Variants in SGCZ observed in about 807,000 individuals in gnomAD.
The protein encoded by SGCZ is zeta-sarcoglycan.
SGCZ carries 40 observed loss-of-function variants against 41.3 expected under a neutral mutation model. The observed-to-expected ratio is 0.97, with a 90% CI of 0.75 to 1.26. The LOEUF (loss-of-function observed/expected upper bound fraction) is 1.26. SGCZ is among the 50% of genes most tolerant of loss of function. The probability of loss-of-function intolerance (pLI) is 0.00; values close to 1 mark genes in which losing one functional copy is unlikely to be tolerated. For missense variants in SGCZ, 552 were observed against 369.8 expected (o/e 1.49, Z -4.04); for synonymous variants, 206 against 137.5 (o/e 1.50, Z -3.49).
chr8:15,081,370 A>G (rs566730488), intron 1 of SGCZ, among the ~76,000 whole-genome samples: 3 of 152,274 alleles, frequency 2.0e-5, no homozygotes, highest in Non-Finnish European at 4.4e-5. Context: ...AATTTTTTAA[A>G]TGTTTTAACG....
intron 1 of SGCZ, among the ~76,000 whole-genome samples, chr8:14,793,711 T>A (rs972212556): frequency 6.6e-6 from 1 of 152,002 alleles, no homozygotes; most frequent in East Asian, 1.9e-4. Flanking sequence ...GAGAAGCAGT[T>A]AGAATATGAG....
At chr8:14,318,813 G>C (rs912960940) in intron 3 of SGCZ, among the ~76,000 whole-genome samples, 11 of 151,898 alleles carry the variant, frequency 7.2e-5, no homozygotes, top group Admixed American at 4.6e-4. Flanking sequence ...AACTAAGTAA[G>C]TGCTTCAATC....
chr8:14,120,215 G>T (rs538335501), intron 5 of SGCZ, among the ~76,000 whole-genome samples: 1 of 152,072 alleles, frequency 6.6e-6, no homozygotes, highest in Non-Finnish European at 1.5e-5. Context: ...TGGTTTAATG[G>T]CAGACAATTA....
At chr8:15,089,446 A>G (rs1038320569) in intron 1 of SGCZ, among the ~76,000 whole-genome samples, 10 of 152,230 alleles carry the variant, frequency 6.6e-5, no homozygotes, top group Non-Finnish European at 1.2e-4. Flanking sequence ...GCTGTACAGT[A>G]GCTCTCCTAT....
intron 1 of SGCZ, among the ~76,000 whole-genome samples, chr8:15,186,128 G>A (rs548835423): frequency 1.1e-4 from 17 of 150,212 alleles, no homozygotes; most frequent in Admixed American, 2.0e-4. Context: ...CGGGCATGGC[G>A]GAGGGCGCCT....
At chr8:14,254,153 G>T (rs553859906) in intron 3 of SGCZ, among the ~76,000 whole-genome samples, 45 of 152,156 alleles carry the variant, frequency 3.0e-4, no homozygotes, top group African/African-American at 1.0e-3. Context: ...CACTTATCTC[G>T]TTGCTTATAA....
intron 5 of SGCZ, among the ~76,000 whole-genome samples, chr8:14,146,010 G>C (rs1317937498): frequency 6.6e-6 from 1 of 152,126 alleles, no homozygotes; most frequent in African/African-American, 2.4e-5. Context: ...AAAAAGGTAT[G>C]GGTAGAACAT....
At position 15,046,362 on chromosome 8, in the gene SGCZ, C is replaced by G. The variant is rs147939435; in HGVS notation, c.39+191223G>C. 8.9e-4 allele frequency among the ~76,000 whole-genome samples: 135 copies of G among 152,086 alleles called. 1 individual carries two copies. The highest frequency in any genetic ancestry group is 3.2e-3 in the African/African-American group (131 of 41,520). ...TAATGACCATTCAAGTTAATTCCCC[C>G]AAATCATTTTTCATTTATTTATTTA... On this transcript the variant is annotated intron_variant, in intron 1 of 7. Coordinates refer to ENST00000382080, the MANE Select transcript of SGCZ (RefSeq NM_139167.4).
intron 2 of SGCZ, among the ~76,000 whole-genome samples, chr8:14,346,959 C>T (rs773958088): frequency 6.6e-5 from 10 of 151,828 alleles, no homozygotes; most frequent in Non-Finnish European, 1.5e-4. Context: ...GTAAATAAGT[C>T]TTCCATTACA....
At chr8:14,090,800 G>A (rs1801667128) in intron 7 of SGCZ, among the ~76,000 whole-genome samples, 163 bp from the exon 8 acceptor site, 1 of 152,024 alleles carries the variant, frequency 6.6e-6, no homozygotes, top group African/African-American at 2.4e-5. Flanking sequence ...TCCTACAGTA[G>A]AGTCCAAAAT....
At chr8:14,767,618 T>A (rs1476538634) in intron 1 of SGCZ, among the ~76,000 whole-genome samples, 6 of 152,196 alleles carry the variant, frequency 3.9e-5, no homozygotes, top group African/African-American at 1.4e-4. Context: ...TGGTGAACCA[T>A]TCTCTTTATT....
intron 5 of SGCZ, among the ~76,000 whole-genome samples, chr8:14,155,443 A>C (rs1336315202): frequency 6.6e-6 from 1 of 152,008 alleles, no homozygotes; most frequent in Non-Finnish European, 1.5e-5. Context: ...ATTAAAATTA[A>C]TGTTTTAAAA....
chr8:14,620,212 G>C (rs978292457), intron 1 of SGCZ, among the ~76,000 whole-genome samples: 3 of 152,092 alleles, frequency 2.0e-5, no homozygotes, highest in Admixed American at 2.0e-4. Flanking sequence ...TTAATAAATG[G>C]TGCTGGGAAA....
At chr8:14,982,336 T>A (rs7018087) in intron 1 of SGCZ, among the ~76,000 whole-genome samples, 4 of 152,056 alleles carry the variant, frequency 2.6e-5, no homozygotes, top group Non-Finnish European at 4.4e-5. Context: ...CAGATTTCAA[T>A]ACTTGCTTTA....
At chr8:14,896,193 A>G (rs561793632) in intron 1 of SGCZ, among the ~76,000 whole-genome samples, 2 of 152,310 alleles carry the variant, frequency 1.3e-5, no homozygotes, top group East Asian at 3.9e-4. Context: ...TTTTGGTCAC[A>G]TTGTTAATTC....
intron 1 of SGCZ, among the ~76,000 whole-genome samples, chr8:15,032,352 A>C (rs1803704662): frequency 6.6e-6 from 1 of 152,198 alleles, no homozygotes; most frequent in Admixed American, 6.5e-5. Context: ...TACATGACGC[A>C]CATCAGCACT....
intron 1 of SGCZ, among the ~76,000 whole-genome samples, chr8:14,572,537 T>C (rs1318572940): frequency 6.6e-6 from 1 of 152,088 alleles, no homozygotes; most frequent in Non-Finnish European, 1.5e-5. Context: ...TTTTATAAAG[T>C]AAGGAAAATA....
intron 1 of SGCZ, among the ~76,000 whole-genome samples, chr8:14,922,834 C>G (rs1270264575): frequency 6.6e-6 from 1 of 152,074 alleles, no homozygotes; most frequent in Non-Finnish European, 1.5e-5. Context: ...GAAGTAAATA[C>G]TCAGTTACAA....
intron 2 of SGCZ, among the ~76,000 whole-genome samples, chr8:14,470,420 TTAA>T (rs1164978023): frequency 3.3e-5 from 5 of 152,152 alleles, no homozygotes; most frequent in African/African-American, 1.2e-4. Context: ...GATGCTATTA[TTAA>T]TTTCATTTTA....
Sources: allele counts gnomAD v4.1 joint callset (sites outside exome capture counted in the v4.1 genomes callset), GRCh38; gene constraint gnomAD v4.1.1; transcripts MANE v1.5; gene names NCBI Gene and HGNC (gene_info 2026-07-23, HGNC 2026-07-21).